The following MAGI3 variants were observed in gnomAD, a reference collection of about 807,000 sequenced individuals.
The protein encoded by MAGI3 is membrane associated guanylate kinase, WW and PDZ domain containing 3, also known as membrane-associated guanylate kinase, WW and PDZ domain-containing protein 3.
MAGI3 carries 43 observed loss-of-function variants against 121.8 expected under a neutral mutation model. That is an observed-to-expected ratio of 0.35 (90% CI 0.28 to 0.46). The LOEUF (loss-of-function observed/expected upper bound fraction) is 0.46, where lower values mean the gene tolerates loss of function less well. Among genes scored for constraint, MAGI3 ranks in the 20% least tolerant of loss-of-function variants. The probability of loss-of-function intolerance (pLI) is 1.00; values close to 1 mark genes in which losing one functional copy is unlikely to be tolerated. For missense variants in MAGI3, 1,547 were observed against 1,797.3 expected, an observed-to-expected ratio of 0.86 and a Z score of 2.52; for synonymous variants, 553 against 639.3, an observed-to-expected ratio of 0.86 and a Z score of 2.04.
chr1:113,667,865 T>A (rs1004323077), intron 16 of MAGI3, among the ~76,000 whole-genome samples: 5 of 152,164 alleles, frequency 3.3e-5, no homozygotes, highest in African/African-American at 1.2e-4. Context: ...TAGAGGGGCC[T>A]GAGGAGAGGG....
At chr1:113,557,609 GC>G (rs1051650199) in intron 2 of MAGI3, among the ~76,000 whole-genome samples, 3 of 152,216 alleles carry the variant, frequency 2.0e-5, no homozygotes, top group Non-Finnish European at 4.4e-5. Flanking sequence ...TGGGCAAGCT[GC>G]CACCTTGGCC....
At chr1:113,676,395 C>G (rs921524308) in intron 19 of MAGI3, among the ~76,000 whole-genome samples, 5 of 152,126 alleles carry the variant, frequency 3.3e-5, no homozygotes, top group Non-Finnish European at 7.4e-5. Flanking sequence ...GCAAAACATC[C>G]TCAGTTAAAA....
Position 113,641,931 on chromosome 1 carries a change from A to T in MAGI3, c.1381A>T (p.Asn461Tyr), listed in dbSNP as rs1652560274. 6.3e-7 allele frequency: 1 copy of T among 1,589,448 alleles called. No homozygotes were observed. The highest frequency in any genetic ancestry group is 1.1e-5 in the South Asian group (1 of 89,866). Residue 461 changes from asparagine (N) to tyrosine (Y), a missense_variant, in exon 10 of 21, where the codon AAT becomes TAT. Asn to Tyr is a moderately radical substitution (Grantham distance 143, BLOSUM62 -2). Coordinates refer to ENST00000307546, the MANE Select transcript of MAGI3 (RefSeq NM_001142782.2). ...TCCAGGCGATGTTATTGTAGACATC[A>T]ATGGCAACTGTGTCCTCGGTCACAC... ...IAPGDVIVDI[N>Y]GNCVLGHTHA...
At chr1:113,468,203 T>G (rs1233302701) in intron 1 of MAGI3, among the ~76,000 whole-genome samples, 1 of 152,192 alleles carries the variant, frequency 6.6e-6, no homozygotes, top group Non-Finnish European at 1.5e-5. Context: ...AGAATTGAGT[T>G]CATTTACATT....
intron 1 of MAGI3, among the ~76,000 whole-genome samples, chr1:113,457,080 C>CT (rs1557767399): frequency 6.6e-6 from 1 of 152,160 alleles, no homozygotes; most frequent in African/African-American, 2.4e-5. Context: ...CATGCAAAGG[C>CT]TTTCCAAGCT....
intron 1 of MAGI3, among the ~76,000 whole-genome samples, chr1:113,427,079 C>T (rs1334035840): frequency 6.6e-6 from 1 of 152,106 alleles, no homozygotes; most frequent in African/African-American, 2.4e-5. Flanking sequence ...AATCCTGCCA[C>T]ATTTTGTGGG....
chr1:113,392,464 C>T (rs1434679761), intron 1 of MAGI3, among the ~76,000 whole-genome samples: 2 of 152,132 alleles, frequency 1.3e-5, no homozygotes, highest in East Asian at 1.9e-4. Context: ...TTATCTCCTT[C>T]TCATTTCTTT....
rs12024428 is a variant in MAGI3, at chr1:113,414,763, A to G, written c.316+23414A>G. 0.053 allele frequency among the ~76,000 whole-genome samples: 8,058 copies of G among 152,070 alleles called. 1,307 individuals carry two copies. The East Asian group carries it at 0.62, about 12-fold the overall frequency. ...TTTTATAAAAATTACAAAACATGAT[A>G]TAAAAATAAAAAATAAAATAGTTAC... On this transcript the variant is annotated intron_variant, in intron 1 of 20. Coordinates refer to ENST00000307546, the MANE Select transcript of MAGI3 (RefSeq NM_001142782.2).
rs182849441 is a variant in MAGI3 at position 113,448,575 on chromosome 1, T to A, written c.316+57226T>A. Among the ~76,000 whole-genome samples the A allele has an allele frequency of 6.6e-4, 100 of 152,364 alleles. 2 individuals are homozygous for A. In the East Asian group the frequency reaches 0.016, roughly 24 times the overall value. ...TCAGAGTTCTTTGGTTGCTGTGACA[T>A]GCCTCCTCAGATTAATAGTGAGATT... On this transcript the variant is annotated intron_variant, in intron 1 of 20. Coordinates refer to ENST00000307546, the MANE Select transcript of MAGI3 (RefSeq NM_001142782.2).
At chr1:113,487,955 T>C (rs985648909) in intron 1 of MAGI3, among the ~76,000 whole-genome samples, 2 of 152,218 alleles carry the variant, frequency 1.3e-5, no homozygotes, top group Non-Finnish European at 2.9e-5. Flanking sequence ...ATTAATTCTT[T>C]GTAGGAACAA....
In MAGI3 at chr1:113,584,966, C is replaced by CA. The variant is rs61622151; in HGVS notation, c.554-421_554-420insA. Among the ~76,000 whole-genome samples the CA allele has an allele frequency of 5.3e-4, 59 of 110,738 alleles. 4 individuals are homozygous for CA. The highest frequency in any genetic ancestry group is 6.2e-4 in the African/African-American group (17 of 27,364). The allele number at this position is 110,738 out of a possible 152,430, so 72.6% of individuals were successfully genotyped here. On this transcript the variant is annotated intron_variant, in intron 3 of 20. Coordinates refer to ENST00000307546, the MANE Select transcript of MAGI3 (RefSeq NM_001142782.2). The stretch of plus-strand genomic sequence containing the variant: ...TCCTTTTGGCCAATGGTAGATATTT[C>CA]CTTTTTTTTTTTTTTTTTTTTTTGA...
intron 1 of MAGI3, among the ~76,000 whole-genome samples, chr1:113,488,286 T>G (rs759053706): frequency 9.9e-5 from 15 of 152,230 alleles, no homozygotes; most frequent in Non-Finnish European, 2.1e-4. Context: ...TAGTGGTGCA[T>G]GGCCAGGGAC....
At chr1:113,513,267 A>G (rs1236463260) in intron 1 of MAGI3, among the ~76,000 whole-genome samples, 1 of 152,166 alleles carries the variant, frequency 6.6e-6, no homozygotes, top group African/African-American at 2.4e-5. Flanking sequence ...ACAGAATTGG[A>G]AAAAACTACT....
intron 1 of MAGI3, among the ~76,000 whole-genome samples, chr1:113,515,082 A>C (rs903540238): frequency 9.9e-5 from 15 of 152,100 alleles, no homozygotes; most frequent in African/African-American, 3.6e-4. Context: ...TCTGAATAAA[A>C]GTTTCTCTTG....
At chr1:113,617,510 A>G (rs917652080) in intron 7 of MAGI3, among the ~76,000 whole-genome samples, 2 of 152,220 alleles carry the variant, frequency 1.3e-5, no homozygotes, top group African/African-American at 4.8e-5. Context: ...AATGAAGACA[A>G]TAACTTCCTT....
chr1:113,604,402 A>T (rs993212769), intron 6 of MAGI3, among the ~76,000 whole-genome samples: 8 of 151,808 alleles, frequency 5.3e-5, no homozygotes, highest in African/African-American at 1.9e-4. Flanking sequence ...CCCCATCTCT[A>T]CTAAAAATAC....
chr1:113,671,922 C>T, intron 17 of MAGI3, 86 bp downstream of exon 17: 1 of 1,201,448 alleles, frequency 8.3e-7, no homozygotes, highest in Non-Finnish European at 1.2e-6. Context: ...TCCCCATCAT[C>T]CACCCCCATG....
At chr1:113,622,661 C>G (rs1570953998) in intron 8 of MAGI3, 145 bp from the exon 9 acceptor site, 2 of 642,562 alleles carry the variant, frequency 3.1e-6, no homozygotes, top group East Asian at 3.4e-5. Flanking sequence ...ATAATGGACT[C>G]TGGGTTGAAA....
In MAGI3 at chr1:113,683,843, A is replaced by T; in HGVS notation, c.4275A>T (p.Glu1425Asp). Residue 1425 changes from glutamate to aspartate, a missense_variant, in exon 21 of 21, where the codon GAA becomes GAT. Physicochemically the swap from Glu to Asp is conservative, Grantham distance 45. Coordinates refer to ENST00000307546, the MANE Select transcript of MAGI3 (RefSeq NM_001142782.2). The stretch of plus-strand genomic sequence containing the variant: ...AGAAGGTAGTTTCAAACAAAACAGA[A>T]GATCACAAAGGGAAAGAACTAGAGG... ...PEEKVVSNKT[E>D]DHKGKELEAA... is the part of the protein sequence containing the mutation. 1 of 1,612,420 alleles carries T rather than the reference A, an allele frequency of 6.2e-7. No homozygotes were observed. The highest frequency in any genetic ancestry group is 8.5e-7 in the Non-Finnish European group (1 of 1,179,200).
Sources: allele counts gnomAD v4.1 joint callset (sites outside exome capture counted in the v4.1 genomes callset), GRCh38; gene constraint gnomAD v4.1.1; transcripts MANE v1.5; gene names NCBI Gene and HGNC (gene_info 2026-07-23, HGNC 2026-07-21).